PTBP3: variants seen among roughly 807,000 people sequenced by gnomAD.
PTBP3 encodes the protein polypyrimidine tract binding protein 3, also known as polypyrimidine tract-binding protein 3.
A neutral mutation model predicts 58.7 loss-of-function variants in PTBP3; 20 were observed. The observed-to-expected ratio is 0.34, with a 90% CI of 0.24 to 0.50. The LOEUF (loss-of-function observed/expected upper bound fraction) is 0.50, where lower values mean the gene tolerates loss of function less well. Ranked by LOEUF, PTBP3 falls within the 20% of genes least tolerant of loss-of-function variation. The pLI is 0.98. For synonymous variants in PTBP3, 185 were observed against 219.8 expected, an observed-to-expected ratio of 0.84 and a Z score of 1.40; for missense variants, 509 against 637.2, an observed-to-expected ratio of 0.80 and a Z score of 2.17.
At chr9:112,314,883 G>A (rs1829638824) in intron 1 of PTBP3, among the ~76,000 whole-genome samples, 1 of 149,404 alleles carries the variant, frequency 6.7e-6, no homozygotes, top group Non-Finnish European at 1.5e-5. Context: ...CCAGGCTGGA[G>A]TGCAGTGGCG....
chr9:112,332,885 G>A, intron 1 of PTBP3: 3 of 1,606,350 alleles, frequency 1.9e-6, no homozygotes, highest in Non-Finnish European at 2.6e-6. Flanking sequence ...AAGCGTTAAC[G>A]TATCTCACAG....
chr9:112,281,000 A>G (rs1827838380), intron 2 of PTBP3: 1 of 152,134 alleles, frequency 6.6e-6, no homozygotes, highest in African/African-American at 2.4e-5. Flanking sequence ...CTTTCCAAGA[A>G]TGTCTAAATA....
the PTBP3 span, among the ~76,000 whole-genome samples, chr9:112,353,193 G>A: frequency 2.7e-4 from 41 of 151,684 alleles, no homozygotes; most frequent in Admixed American, 2.6e-3. Flanking sequence ...GAGCCACGGC[G>A]CCCAGCTGAT....
chr9:112,231,979 GAGA>G (rs1198817308), intron 9 of PTBP3, 117 bp downstream of exon 9: 8,395 of 406,154 alleles, frequency 0.021, 119 homozygotes, highest in Admixed American at 0.051. Context: ...GAGAAGAGAA[GAGA>G]AGAGAAGAGA....
At chr9:112,280,716 A>T (rs2132229445) in intron 2 of PTBP3, among the ~76,000 whole-genome samples, 1 of 152,102 alleles carries the variant, frequency 6.6e-6, no homozygotes, top group South Asian at 2.1e-4. Flanking sequence ...GTCATGACAC[A>T]TGTACCATGA....
chr9:112,359,249 T>G, the PTBP3 span, among the ~76,000 whole-genome samples: 1 of 151,280 alleles, frequency 6.6e-6, no homozygotes, highest in Non-Finnish European at 1.5e-5. Context: ...GAGACCAGCC[T>G]GGCCAACGTG....
Position 112,333,502 on chromosome 9 carries a change from G to A in PTBP3, c.-84C>T, listed in dbSNP as rs1161675159. The A allele has an allele frequency of 2.5e-6, 4 of 1,587,486 alleles. No individual in the cohort carries two copies. The South Asian group carries it at 3.4e-5, about 13-fold the overall frequency. ...TGGCCCAGATGGAGGCGCGCACAGA[G>A]CAGGGACTGACGGGCTAACCGCGAG... On this transcript the variant is annotated 5_prime_UTR_variant, in exon 1 of 14. Transcript: ENST00000374257.
intron 1 of PTBP3, among the ~76,000 whole-genome samples, chr9:112,327,416 C>T (rs893383211): frequency 1.3e-5 from 2 of 151,368 alleles, no homozygotes; most frequent in African/African-American, 4.9e-5. Context: ...AAAAAATTAG[C>T]CGAGCATGGT....
intron 1 of PTBP3, among the ~76,000 whole-genome samples, chr9:112,328,768 AG>A (rs1357813690): frequency 2.0e-5 from 3 of 152,308 alleles, no homozygotes; most frequent in African/African-American, 7.2e-5. Flanking sequence ...ACTCCAGCCT[AG>A]GTGACAGAGT....
At chr9:112,266,809 T>C (rs1480828514) in intron 4 of PTBP3, among the ~76,000 whole-genome samples, 2 of 152,230 alleles carry the variant, frequency 1.3e-5, no homozygotes, top group African/African-American at 4.8e-5. Flanking sequence ...GGTAACTGGA[T>C]TGGTTTTGGT....
In PTBP3 at chr9:112,225,958, C is replaced by T. The variant is rs182682003; in HGVS notation, c.1364+1453G>A. On this transcript the variant is annotated intron_variant, in intron 12 of 13. Transcript: ENST00000374257. ...ACTTGGAAAGCTGAGGTGGGAAGAT[C>T]ACTTGAGATTGGGAGGCAGAGGATG... Among the ~76,000 whole-genome samples the T allele has an allele frequency of 4.6e-3, 699 of 152,174 alleles. 5 individuals carry two copies. The highest frequency in any genetic ancestry group is 0.015 in the African/African-American group (606 of 41,532).
chr9:112,239,955 A>ATC (rs1424789589), intron 7 of PTBP3, among the ~76,000 whole-genome samples: 1 of 151,430 alleles, frequency 6.6e-6, no homozygotes, highest in Admixed American at 6.6e-5. Context: ...GATGAGAAAA[A>ATC]TCTCTCTCAG....
the PTBP3 span, among the ~76,000 whole-genome samples, chr9:112,348,742 C>T: frequency 6.6e-6 from 1 of 152,210 alleles, no homozygotes; most frequent in African/African-American, 2.4e-5. Flanking sequence ...CCGTCTCTCC[C>T]TATGCCTTAT....
intron 1 of PTBP3, among the ~76,000 whole-genome samples, chr9:112,331,538 T>C: frequency 6.6e-6 from 1 of 152,246 alleles, no homozygotes; most frequent in African/African-American, 2.4e-5. Flanking sequence ...TTTTTATTTT[T>C]CCTTGTAAAC....
upstream of PTBP3, among the ~76,000 whole-genome samples, chr9:112,338,137 G>A (rs1019978350): frequency 1.3e-5 from 2 of 152,238 alleles, no homozygotes; most frequent in African/African-American, 4.8e-5. Context: ...GAACAGATTA[G>A]TGGTTACCAA....
intron 1 of PTBP3, among the ~76,000 whole-genome samples, chr9:112,318,561 A>C (rs1251289201): frequency 6.6e-6 from 1 of 152,112 alleles, no homozygotes; most frequent in African/African-American, 2.4e-5. Flanking sequence ...GGAGTTCAAG[A>C]CCAGCTTGGC....
intron 2 of PTBP3, among the ~76,000 whole-genome samples, chr9:112,293,553 A>T (rs1009435875): frequency 1.3e-5 from 2 of 152,182 alleles, no homozygotes; most frequent in African/African-American, 4.8e-5. Flanking sequence ...CAGAATAAAG[A>T]CCAATTTCCT....
the PTBP3 span, among the ~76,000 whole-genome samples, chr9:112,339,290 C>CAAAAAAAAAAA: frequency 2.8e-5 from 2 of 71,714 alleles, no homozygotes; most frequent in Non-Finnish European, 2.6e-5. Flanking sequence ...GACTCTGTCT[C>CAAAAAAAAAAA]AAAAAAAAAA....
intron 5 of PTBP3, among the ~76,000 whole-genome samples, chr9:112,254,942 A>G (rs1309694009): frequency 6.6e-6 from 1 of 152,236 alleles, no homozygotes; most frequent in African/African-American, 2.4e-5. Flanking sequence ...GCATTACACA[A>G]AATAGCCAAA....
Sources: allele counts gnomAD v4.1 joint callset (sites outside exome capture counted in the v4.1 genomes callset), GRCh38; gene constraint gnomAD v4.1.1; transcripts MANE v1.5; gene names NCBI Gene and HGNC (gene_info 2026-07-23, HGNC 2026-07-21).